C4orf51: variants seen among roughly 807,000 people sequenced by gnomAD.
C4orf51 encodes uncharacterized protein C4orf51.
A neutral mutation model predicts 25.2 loss-of-function variants in C4orf51; 25 were observed. The ratio of observed to expected loss-of-function variants is 0.99; its 90% CI spans 0.72 to 1.39. C4orf51 has a LOEUF of 1.39. C4orf51 is among the 40% of genes most tolerant of loss of function. The pLI is 0.00. For synonymous variants in C4orf51, 100 were observed against 84.5 expected (o/e 1.18, Z -1.01); for missense variants, 252 against 239.6 (o/e 1.05, Z -0.34).
At chr4:145,696,448 A>G in intron 1 of C4orf51, 111 bp from the exon 2 acceptor site, 2 of 907,926 alleles carry the variant, frequency 2.2e-6, no homozygotes, top group Non-Finnish European at 3.5e-6. Flanking sequence ...TCCCAAACCT[A>G]AAATGAAAGT....
At chr4:145,776,262 G>A in the C4orf51 span, among the ~76,000 whole-genome samples, 1 of 152,078 alleles carries the variant, frequency 6.6e-6, no homozygotes, top group East Asian at 1.9e-4. Flanking sequence ...CTCGAGACCA[G>A]CCTGGGCATC....
intron 2 of C4orf51, among the ~76,000 whole-genome samples, chr4:145,723,469 A>G (rs1025117880): frequency 2.6e-5 from 4 of 152,112 alleles, no homozygotes; most frequent in Non-Finnish European, 5.9e-5. Flanking sequence ...ACAGACACCC[A>G]GTAGGTGGAC....
intron 1 of C4orf51, among the ~76,000 whole-genome samples, chr4:145,753,519 A>G (rs1733793065): frequency 6.6e-6 from 1 of 152,184 alleles, no homozygotes; most frequent in South Asian, 2.1e-4. Flanking sequence ...TATGCTGAAT[A>G]TTTTAATTTT....
chr4:145,705,697 A>C (rs567643256), intron 2 of C4orf51, among the ~76,000 whole-genome samples: 1 of 152,268 alleles, frequency 6.6e-6, no homozygotes, highest in Admixed American at 6.5e-5. Flanking sequence ...AGTGATGAGC[A>C]GTCTAGGGGT....
intron 2 of C4orf51, among the ~76,000 whole-genome samples, chr4:145,706,462 C>G (rs1730817132): frequency 6.6e-6 from 1 of 152,140 alleles, no homozygotes; most frequent in Non-Finnish European, 1.5e-5. Context: ...ATTCTTTACT[C>G]ACCACAGGCC....
rs538766450 is a variant in C4orf51, at chr4:145,689,190, T to C, written c.234-7369T>C. Among the ~76,000 whole-genome samples, 3 of 152,246 alleles carry C rather than the reference T, an allele frequency of 2.0e-5. No homozygotes were observed. The South Asian group carries it at 6.2e-4, about 32-fold the overall frequency. On this transcript the variant is annotated intron_variant, in intron 1 of 5. Transcript: ENST00000438731. ...AACCATTAGATGACAATATGGAGAA[T>C]ATCTTGATGATTTCAAGGTTGGCAA...
At position 145,729,553 on chromosome 4, in the gene C4orf51, G is replaced by A. The variant is rs528251397; in HGVS notation, c.427+324G>A. Among the ~76,000 whole-genome samples, 14 of 152,104 alleles carry A rather than the reference G, an allele frequency of 9.2e-5. No homozygotes were observed. The South Asian group carries it at 2.9e-3, about 32-fold the overall frequency. ...TCCGACCTTGTGATCCTCCCTCCTTGGCCTCCCAAAGTGCTGGGATTACAG... is the reference window on the plus strand; with the variant it reads ...TCCGACCTTGTGATCCTCCCTCCTTAGCCTCCCAAAGTGCTGGGATTACAG... On this transcript the variant is annotated intron_variant, in intron 4 of 5. Coordinates refer to ENST00000438731, the MANE Select transcript of C4orf51 (RefSeq NM_001080531.3).
chr4:145,732,997 A>AGGCGCCGCCGGGAAGCGAATT (rs1732571990), downstream of C4orf51, among the ~76,000 whole-genome samples: 1 of 152,162 alleles, frequency 6.6e-6, no homozygotes. Flanking sequence ...CCTCCGCGCA[A>AGGCGCCGCCGGGAAGCGAATT]GGCGCCGCCG....
At position 145,732,668 on chromosome 4, in the gene C4orf51, G is replaced by T; in HGVS notation, c.*108G>T. 1 of 623,370 alleles carries T rather than the reference G, an allele frequency of 1.6e-6. No homozygotes were observed. 38.6% of individuals were successfully genotyped at this position (623,370 alleles called of 1,614,324 possible). On this transcript the variant is annotated 3_prime_UTR_variant, in exon 6 of 6. Transcript: ENST00000438731. The stretch of plus-strand genomic sequence containing the variant: ...CCCCCCACCCGCCCCGCCCAGGAAC[G>T]TCTGGACCCTGGCAGGTTGGCTTTC...
In C4orf51 at chr4:145,732,570, T is replaced by C. The variant is rs558483978; in HGVS notation, c.*10T>C. 3.1e-5 allele frequency: 49 copies of C among 1,592,126 alleles called. No homozygotes were observed. Among genetic ancestry groups the C allele is most frequent in the Middle Eastern group, 4.1e-4 (2 of 4,888 alleles). ...ATCGCCATTTAACTGAGTTGGAAAA[T>C]GAAGCCACAAGGCTGGAGGCGTGGA... On this transcript the variant is annotated 3_prime_UTR_variant, in exon 6 of 6. Coordinates refer to ENST00000438731, the MANE Select transcript of C4orf51 (RefSeq NM_001080531.3).
chr4:145,778,153 G>C, the C4orf51 span, among the ~76,000 whole-genome samples: 1 of 151,768 alleles, frequency 6.6e-6, no homozygotes, highest in African/African-American at 2.4e-5. Flanking sequence ...TTTTTTTTGA[G>C]ACTGAGTTTC....
At chr4:145,691,977 TG>T in intron 1 of C4orf51, among the ~76,000 whole-genome samples, 1 of 85,016 alleles carries the variant, frequency 1.2e-5, no homozygotes, top group African/African-American at 6.7e-5. Context: ...GATATACAGC[TG>T]ATAGGAATGT....
chr4:145,681,171 G>T (rs1413906840), intron 1 of C4orf51, among the ~76,000 whole-genome samples: 2 of 152,166 alleles, frequency 1.3e-5, no homozygotes, highest in African/African-American at 2.4e-5. Flanking sequence ...AAGTGGGGAT[G>T]TGGAAAAATG....
At chr4:145,737,918 T>G (rs567642400) in intron 1 of C4orf51, among the ~76,000 whole-genome samples, 2 of 152,326 alleles carry the variant, frequency 1.3e-5, no homozygotes, top group African/African-American at 4.8e-5. Flanking sequence ...TGAGTGTTCA[T>G]GTTCTAAAAT....
downstream of C4orf51, among the ~76,000 whole-genome samples, chr4:145,771,592 G>A (rs763864679): frequency 3.9e-5 from 6 of 152,208 alleles, no homozygotes; most frequent in Non-Finnish European, 8.8e-5. Flanking sequence ...GGGACAAGAC[G>A]CCAGACAGTG....
At chr4:145,694,789 A>T (rs1424655582) in intron 1 of C4orf51, among the ~76,000 whole-genome samples, 1 of 151,914 alleles carries the variant, frequency 6.6e-6, no homozygotes, top group Non-Finnish European at 1.5e-5. Context: ...AATTACTGTA[A>T]TCTTTCTTAT....
At position 145,768,911 on chromosome 4, in the gene C4orf51, ATATAT is replaced by A. The variant is rs1560894722; in HGVS notation, n.167-2074_167-2070del. Among the ~76,000 whole-genome samples the A allele has an allele frequency of 1.7e-3, 81 of 47,456 alleles. 11 individuals carry two copies. Among genetic ancestry groups the A allele is most frequent in the African/African-American group, 5.0e-3 (73 of 14,724 alleles). The allele number at this position is 47,456 out of a possible 152,430, so 31.1% of individuals were successfully genotyped here. ...AAAAAATATATATATATATATATAT[ATATAT>A]TAGGTATACAAAGTTTGGAAATAGA... On this transcript the variant is annotated intron_variant and non_coding_transcript_variant, in intron 1 of 1. Coordinates refer to the C4orf51 transcript ENST00000510096.
intron 1 of C4orf51, among the ~76,000 whole-genome samples, chr4:145,767,916 A>C (rs1735562979): frequency 6.6e-6 from 1 of 152,242 alleles, no homozygotes; most frequent in Admixed American, 6.5e-5. Flanking sequence ...AAAAGAATGA[A>C]GAGGCTGGAA....
At chr4:145,789,839 G>C in the C4orf51 span, among the ~76,000 whole-genome samples, 5 of 152,180 alleles carry the variant, frequency 3.3e-5, no homozygotes, top group African/African-American at 1.2e-4. Context: ...TCTAAAGAGA[G>C]CTTTATTGAG....
Sources: allele counts gnomAD v4.1 joint callset (sites outside exome capture counted in the v4.1 genomes callset), GRCh38; gene constraint gnomAD v4.1.1; transcripts MANE v1.5; gene names NCBI Gene and HGNC (gene_info 2026-07-23, HGNC 2026-07-21).